CAST: variants seen among roughly 807,000 people sequenced by gnomAD.
CAST encodes the protein calpastatin.
Under a neutral mutation model 119.6 loss-of-function variants are expected in CAST, and 76 were observed. The ratio of observed to expected loss-of-function variants is 0.64; its 90% CI spans 0.53 to 0.77. The LOEUF is 0.77. Ranked by LOEUF, CAST falls within the 30% of genes least tolerant of loss-of-function variation. The pLI, the probability that CAST is intolerant of heterozygous loss-of-function variation, is 0.00. For synonymous variants in CAST, 319 were observed against 331.6 expected (o/e 0.96, Z 0.41); for missense variants, 953 against 946.5 (o/e 1.01, Z -0.09).
chr5:96,538,438 A>G (rs1053185343), intron 1 of CAST, among the ~76,000 whole-genome samples: 2 of 152,244 alleles, frequency 1.3e-5, no homozygotes, highest in Non-Finnish European at 2.9e-5. Flanking sequence ...TTGGAAATCA[A>G]CTTGCTTTGG....
At chr5:96,730,967 C>T (rs759193947) in intron 9 of CAST, 107 bp downstream of exon 9, 46 of 784,676 alleles carry the variant, frequency 5.9e-5, no homozygotes, top group Non-Finnish European at 9.2e-5. Flanking sequence ...CTGAACACTG[C>T]TTATATGTAA....
At chr5:95,990,735 A>T in the CAST span, among the ~76,000 whole-genome samples, 2 of 152,196 alleles carry the variant, frequency 1.3e-5, no homozygotes, top group African/African-American at 4.8e-5. Context: ...TAAAAAATTA[A>T]TTAATTTTTT....
intron 2 of CAST, among the ~76,000 whole-genome samples, chr5:96,676,515 A>G (rs1308420131): frequency 6.6e-6 from 1 of 152,152 alleles, no homozygotes; most frequent in Non-Finnish European, 1.5e-5. Context: ...TTCTGTACTA[A>G]AGTTTATGCC....
the CAST span, among the ~76,000 whole-genome samples, chr5:96,424,782 AC>A: frequency 6.6e-6 from 1 of 151,952 alleles, no homozygotes; most frequent in Non-Finnish European, 1.5e-5. Context: ...GACCAATGTG[AC>A]AAAACCCCAT....
chr5:96,628,730 CAA>C (rs1391113438), intron 1 of CAST, among the ~76,000 whole-genome samples: 1 of 152,126 alleles, frequency 6.6e-6, no homozygotes, highest in Admixed American at 6.5e-5. Context: ...GTGGCTTTTG[CAA>C]AGTTACCAAA....
chr5:96,497,889 G>A, the CAST span, among the ~76,000 whole-genome samples: 2 of 152,122 alleles, frequency 1.3e-5, no homozygotes, highest in Non-Finnish European at 2.9e-5. Flanking sequence ...GTCAATTTTG[G>A]CTTTTGTTAC....
the CAST span, among the ~76,000 whole-genome samples, chr5:96,323,569 T>A: frequency 6.6e-6 from 1 of 152,324 alleles, no homozygotes; most frequent in African/African-American, 2.4e-5. Context: ...GGACAATTCC[T>A]TCCATATTTT....
the CAST span, among the ~76,000 whole-genome samples, chr5:96,021,636 C>A: frequency 6.6e-6 from 1 of 151,962 alleles, no homozygotes; most frequent in Non-Finnish European, 1.5e-5. Flanking sequence ...TTAGTAGAGG[C>A]GGGGTTTCAC....
chr5:96,739,888 T>C lies in CAST; in HGVS notation c.799-150T>C, dbSNP rs189782288. ...ATTTGTGTAAACTTAGAAATGTAGT[T>C]GTATAAAGTGTTGGCTTCTTAATGA... On this transcript the variant is annotated intron_variant, in intron 11 of 31. Transcript: ENST00000675179. 246 of 553,164 alleles carry C rather than the reference T, an allele frequency of 4.4e-4. 5 individuals carry two copies. In the African/African-American group the frequency reaches 4.5e-3, roughly 10 times the overall value. 34.3% of individuals were successfully genotyped at this position (553,164 alleles called of 1,614,324 possible).
the CAST span, among the ~76,000 whole-genome samples, chr5:96,229,179 A>C: frequency 6.6e-6 from 1 of 151,740 alleles, no homozygotes; most frequent in Non-Finnish European, 1.5e-5. Context: ...TCTTTACAGA[A>C]TAGAGAATAA....
chr5:96,392,949 G>A, the CAST span: 24 of 1,587,564 alleles, frequency 1.5e-5, no homozygotes, highest in Non-Finnish European at 2.0e-5. Flanking sequence ...AGGCAAAATC[G>A]CAGGGTAAGG....
the CAST span, among the ~76,000 whole-genome samples, chr5:96,102,111 T>C: frequency 6.6e-6 from 1 of 151,996 alleles, no homozygotes; most frequent in African/African-American, 2.4e-5. Flanking sequence ...GTGGCTGCCC[T>C]CCTCCAGGGA....
rs1485719703 is a variant in CAST, at chr5:96,663,354, C to G, written c.75+857C>G. On this transcript the variant is annotated intron_variant, in intron 1 of 31. Coordinates refer to ENST00000675179, the MANE Select transcript of CAST (RefSeq NM_001750.7). ...CTCGGGGAGAGGCAGGGGACTCACC[C>G]TCTTGTGGTATGTATGAGCGCGCCC... Among the ~76,000 whole-genome samples the G allele has an allele frequency of 2.0e-5, 3 of 152,320 alleles. No homozygotes were observed. In the East Asian group the frequency reaches 5.8e-4, roughly 29 times the overall value.
chr5:96,685,272 T>G (rs1751952273), intron 2 of CAST, among the ~76,000 whole-genome samples: 1 of 152,122 alleles, frequency 6.6e-6, no homozygotes. Context: ...TCATAAGCAC[T>G]AGAAACCTCA....
At chr5:96,549,993 A>G (rs1746095745) in intron 1 of CAST, among the ~76,000 whole-genome samples, 1 of 152,240 alleles carries the variant, frequency 6.6e-6, no homozygotes, top group South Asian at 2.1e-4. Flanking sequence ...TATGAACAAA[A>G]GGCAGCAGAC....
At chr5:96,564,640 G>A (rs190421467) in intron 1 of CAST, among the ~76,000 whole-genome samples, 3 of 152,310 alleles carry the variant, frequency 2.0e-5, no homozygotes, top group Admixed American at 6.5e-5. Context: ...CCTATTTAGC[G>A]GGGTTCAGTG....
At chr5:96,114,349 T>C in the CAST span, among the ~76,000 whole-genome samples, 2 of 152,180 alleles carry the variant, frequency 1.3e-5, no homozygotes, top group Non-Finnish European at 2.9e-5. Flanking sequence ...AGAATCTGAT[T>C]CTTAAAAGGA....
At chr5:96,599,976 A>AAAAAAAAAAAAAAAAAAAAAAC (rs1561426830) in intron 1 of CAST, among the ~76,000 whole-genome samples, 1 of 132,902 alleles carries the variant, frequency 7.5e-6, no homozygotes, top group African/African-American at 3.0e-5. Flanking sequence ...CAAAAAAAAA[A>AAAAAAAAAAAAAAAAAAAAAAC]AAAAAAACCC....
At chr5:96,539,696 T>C (rs1221620835) in intron 1 of CAST, among the ~76,000 whole-genome samples, 1 of 152,146 alleles carries the variant, frequency 6.6e-6, no homozygotes, top group African/African-American at 2.4e-5. Context: ...AAAAGTGAGT[T>C]TCCTTGTATC....
Sources: gnomAD v4.1 joint callset for allele counts (sites outside exome capture counted in the v4.1 genomes callset) on GRCh38, gnomAD v4.1.1 for gene constraint, MANE v1.5 for transcripts, NCBI Gene and HGNC (gene_info 2026-07-23, HGNC 2026-07-21) for gene names.